Variants in SUGCT observed in about 807,000 individuals in gnomAD.
SUGCT encodes succinyl-CoA:glutarate CoA-transferase.
Under a neutral mutation model 55.0 loss-of-function variants are expected in SUGCT, and 41 were observed. The observed-to-expected ratio is 0.74, with a 90% CI of 0.58 to 0.97. The LOEUF (loss-of-function observed/expected upper bound fraction) is 0.97, where lower values mean the gene tolerates loss of function less well. SUGCT is among the 50% of genes least tolerant of loss of function. The pLI is 0.00. For synonymous variants in SUGCT, 187 were observed against 200.4 expected, an observed-to-expected ratio of 0.93 and a Z score of 0.56; for missense variants, 568 against 547.8, an observed-to-expected ratio of 1.04 and a Z score of -0.37.
At chr7:40,533,818 T>C (rs577675122) in intron 12 of SUGCT, among the ~76,000 whole-genome samples, 19 of 152,304 alleles carry the variant, frequency 1.2e-4, no homozygotes, top group Non-Finnish European at 2.6e-4. Flanking sequence ...ATACAGCATG[T>C]TTTAAAAAGT....
intron 6 of SUGCT, among the ~76,000 whole-genome samples, chr7:40,226,587 CT>C (rs756344535): frequency 0.019 from 2,741 of 141,480 alleles, 60 homozygotes; most frequent in African/African-American, 0.061. Flanking sequence ...AAAACTAACT[CT>C]TTTTTTTTTT....
intron 13 of SUGCT, among the ~76,000 whole-genome samples, chr7:40,811,957 G>C (rs534773775): frequency 6.6e-6 from 1 of 152,186 alleles, no homozygotes; most frequent in Admixed American, 6.5e-5. Context: ...CAAGTTTCTT[G>C]AGGGTTTTTG....
intron 12 of SUGCT, among the ~76,000 whole-genome samples, chr7:40,516,805 T>G (rs1168098264): frequency 6.6e-6 from 1 of 152,136 alleles, no homozygotes; most frequent in East Asian, 1.9e-4. Flanking sequence ...TTTTGTTTTT[T>G]TCTAGGCCCC....
intron 9 of SUGCT, among the ~76,000 whole-genome samples, chr7:40,407,061 TA>T (rs893153849): frequency 6.6e-5 from 10 of 151,924 alleles, no homozygotes; most frequent in South Asian, 2.1e-4. Flanking sequence ...TCAAAAAAGA[TA>T]AAAAAAAGAA....
intron 6 of SUGCT, among the ~76,000 whole-genome samples, chr7:40,233,434 T>G (rs1367701182): frequency 1.3e-5 from 2 of 152,064 alleles, no homozygotes; most frequent in Non-Finnish European, 2.9e-5. Flanking sequence ...TTGGACAGGC[T>G]TGTCTTGAGC....
intron 13 of SUGCT, among the ~76,000 whole-genome samples, chr7:40,828,209 C>T (rs868145804): frequency 1.3e-5 from 2 of 152,312 alleles, no homozygotes; most frequent in South Asian, 2.1e-4. Flanking sequence ...AGTGAATATG[C>T]TCATCAGTTC....
At chr7:40,551,907 T>C (rs113728876) in intron 12 of SUGCT, among the ~76,000 whole-genome samples, 3 of 152,316 alleles carry the variant, frequency 2.0e-5, no homozygotes, top group African/African-American at 7.2e-5. Context: ...TGTACTTGAC[T>C]TGCAAGCTGT....
At chr7:40,379,854 C>T (rs1010947908) in intron 9 of SUGCT, among the ~76,000 whole-genome samples, 1 of 152,160 alleles carries the variant, frequency 6.6e-6, no homozygotes, top group Non-Finnish European at 1.5e-5. Flanking sequence ...TTCATGTGTT[C>T]ATGGGTCTCA....
At chr7:40,560,527 ACTT>A (rs934656469) in intron 12 of SUGCT, among the ~76,000 whole-genome samples, 1 of 152,160 alleles carries the variant, frequency 6.6e-6, no homozygotes, top group Admixed American at 6.5e-5. Context: ...AAAACACAGA[ACTT>A]CTGGAACATC....
At chr7:40,995,196 G>T in the SUGCT span, among the ~76,000 whole-genome samples, 13 of 152,080 alleles carry the variant, frequency 8.5e-5, no homozygotes, top group African/African-American at 2.9e-4. Flanking sequence ...GGAAGTCAAA[G>T]AGTCAACCGT....
chr7:40,355,143 C>T (rs1053854890), intron 9 of SUGCT, among the ~76,000 whole-genome samples: 4 of 152,140 alleles, frequency 2.6e-5, no homozygotes, highest in African/African-American at 9.7e-5. Context: ...ACCTCCTCTT[C>T]GTTACTGATA....
At chr7:40,911,985 G>T in the SUGCT span, among the ~76,000 whole-genome samples, 1 of 152,068 alleles carries the variant, frequency 6.6e-6, no homozygotes, top group African/African-American at 2.4e-5. Context: ...TTTAAGGTCT[G>T]TTGGTATTTC....
intron 13 of SUGCT, among the ~76,000 whole-genome samples, chr7:40,773,749 G>T (rs756413342): frequency 1.3e-5 from 2 of 152,170 alleles, no homozygotes; most frequent in Non-Finnish European, 2.9e-5. Context: ...TTGAAAATTA[G>T]TGTGGAAAAT....
intron 9 of SUGCT, among the ~76,000 whole-genome samples, chr7:40,347,151 G>A (rs2151189925): frequency 6.6e-6 from 1 of 152,280 alleles, no homozygotes. Flanking sequence ...AGCAATTGTT[G>A]GTAGAAGTAT....
intron 3 of SUGCT, among the ~76,000 whole-genome samples, chr7:40,185,399 C>T (rs1292487537): frequency 6.6e-6 from 1 of 152,114 alleles, no homozygotes; most frequent in Admixed American, 6.6e-5. Context: ...AGGCCTATTT[C>T]CTCTTTGTAC....
At chr7:40,383,856 C>A (rs1202342858) in intron 9 of SUGCT, among the ~76,000 whole-genome samples, 1 of 152,144 alleles carries the variant, frequency 6.6e-6, no homozygotes, top group African/African-American at 2.4e-5. Context: ...AGTTGTAATG[C>A]ATGTCTTAAT....
At chr7:40,270,640 A>G (rs1445547569) in intron 7 of SUGCT, among the ~76,000 whole-genome samples, 1 of 152,184 alleles carries the variant, frequency 6.6e-6, no homozygotes, top group Admixed American at 6.5e-5. Flanking sequence ...AGAATTTGTG[A>G]GTCCTCTAAC....
intron 3 of SUGCT, among the ~76,000 whole-genome samples, chr7:40,186,757 G>A (rs1785540466): frequency 1.3e-5 from 2 of 152,144 alleles, no homozygotes; most frequent in Admixed American, 6.6e-5. Flanking sequence ...TGAAATTTCA[G>A]CATTGTCTCC....
At chr7:40,474,011 G>C (rs952095668) in intron 11 of SUGCT, among the ~76,000 whole-genome samples, 1 of 152,020 alleles carries the variant, frequency 6.6e-6, no homozygotes, top group African/African-American at 2.4e-5. Flanking sequence ...AGGCCACCTG[G>C]AGGAAAATCA....
Sources: allele counts gnomAD v4.1 joint callset (sites outside exome capture counted in the v4.1 genomes callset), GRCh38; gene constraint gnomAD v4.1.1; transcripts MANE v1.5; gene names NCBI Gene and HGNC (gene_info 2026-07-23, HGNC 2026-07-21).